The following SETX variants were observed in gnomAD, a reference collection of about 807,000 sequenced individuals.
SETX encodes senataxin.
SETX carries 90 observed loss-of-function variants against 227.2 expected under a neutral mutation model. The ratio of observed to expected loss-of-function variants is 0.40; its 90% CI spans 0.33 to 0.47. SETX has a LOEUF of 0.47. Among genes scored for constraint, SETX ranks in the 20% least tolerant of loss-of-function variants. The pLI is 0.91. For missense variants in SETX, 3,052 were observed against 3,181.5 expected (o/e 0.96, Z 0.98); for synonymous variants, 1,210 against 1,113.2 (o/e 1.09, Z -1.73).
At chr9:132,321,228 G>C (rs964465733) in intron 10 of SETX, among the ~76,000 whole-genome samples, 1 of 152,046 alleles carries the variant, frequency 6.6e-6, no homozygotes, top group African/African-American at 2.4e-5. Context: ...AAAGACTAAA[G>C]ACATTGGGAG....
chr9:132,284,673 G>T (rs1385052509), intron 18 of SETX, among the ~76,000 whole-genome samples: 1 of 152,102 alleles, frequency 6.6e-6, no homozygotes, highest in East Asian at 1.9e-4. Flanking sequence ...ACAAGTACAG[G>T]GAGTTTATGC....
intron 23 of SETX, 69 bp from the exon 24 acceptor site, chr9:132,271,877 C>T: frequency 7.1e-7 from 1 of 1,410,424 alleles, no homozygotes; most frequent in East Asian, 2.3e-5. Context: ...TATTTATAAA[C>T]TAGTTTTTTG....
chr9:132,272,685 C>T (rs942192017), intron 23 of SETX, among the ~76,000 whole-genome samples: 3 of 152,186 alleles, frequency 2.0e-5, no homozygotes, highest in African/African-American at 4.8e-5. Context: ...ACCACTAATA[C>T]ACTTCCTGTC....
At chr9:132,332,170 C>T (rs74408802) in intron 7 of SETX, among the ~76,000 whole-genome samples, 5,881 of 152,242 alleles carry the variant, frequency 0.039, 392 homozygotes, top group African/African-American at 0.14. Flanking sequence ...CAGTCAAGAA[C>T]TTAAAAGATA....
At position 132,263,476 on chromosome 9, in the gene SETX, C is replaced by T. The variant is rs1842485589; in HGVS notation, c.*763G>A. 6.6e-6 allele frequency: 1 copy of T among 152,206 alleles called. No homozygotes were observed. The highest frequency in any genetic ancestry group is 2.4e-5 in the African/African-American group (1 of 41,446). 9.4% of individuals were successfully genotyped at this position (152,206 alleles called of 1,614,324 possible). On this transcript the variant is annotated 3_prime_UTR_variant, in exon 26 of 26. Transcript: ENST00000224140. ...TAGCTCAAGAATTATTCTTTCACTC[C>T]ATATTCTTCTCTCTCAAGAAGATTA...
chr9:132,282,364 C>T (rs1260466512), intron 19 of SETX, among the ~76,000 whole-genome samples: 5 of 149,874 alleles, frequency 3.3e-5, no homozygotes, highest in Non-Finnish European at 4.4e-5. Context: ...ATGACATGAT[C>T]GTTGTTCACC....
Position 132,329,067 on chromosome 9 carries a change from T to C in SETX, c.2531A>G (p.Asp844Gly). 1.2e-6 allele frequency: 2 copies of C among 1,609,888 alleles called. No homozygotes were observed. Among genetic ancestry groups the C allele is most frequent in the Non-Finnish European group, 1.7e-6 (2 of 1,179,138 alleles). ...GDGFIHNLSLDPSGVLDDKNG... is the reference protein window; with the variant it reads ...GDGFIHNLSLGPSGVLDDKNG... Reference sequence around the variant, plus strand: ...CTTATCATCCAGAACACCACTAGGGTCTAAAGAAAGATTGTGTATGAAACC... The same window carrying C: ...CTTATCATCCAGAACACCACTAGGGCCTAAAGAAAGATTGTGTATGAAACC... The change falls in exon 10 of 26, where the codon GAC becomes GGC. Residue 844 changes from aspartate to glycine, a missense_variant. Physicochemically the swap from Asp to Gly is moderately conservative, Grantham distance 94. Around this residue, in one of 10 missense-constraint regions of SETX, gnomAD observed 1,483 missense variants for 1,312.0 expected, o/e 1.13. Coordinates refer to ENST00000224140, the MANE Select transcript of SETX (RefSeq NM_015046.7).
In SETX at chr9:132,336,339, G is replaced by C. The variant is rs1486436857; in HGVS notation, c.675C>G (p.Pro225=). 1.2e-6 allele frequency: 2 copies of C among 1,613,828 alleles called. No homozygotes were observed. The highest frequency in any genetic ancestry group is 1.7e-6 in the Non-Finnish European group (2 of 1,179,870). The part of the protein sequence containing the change: ...VLEKGKLILL[P]SHMYDTTNYK... ...AGTTGGTAGTATCATACATGTGTGA[G>C]GGCAGAAGAATCAGTTTACCCTTCT... is the stretch of plus-strand genomic sequence containing the variant. Residue 225 remains proline, a synonymous_variant, in exon 6 of 26, where the codon CCC becomes CCG. Transcript: ENST00000224140.
chr9:132,284,652 T>A (rs1253747657), intron 18 of SETX, among the ~76,000 whole-genome samples: 2 of 152,212 alleles, frequency 1.3e-5, no homozygotes, highest in South Asian at 2.1e-4. Context: ...ACAGGAGTCT[T>A]ATGATCCAAC....
chr9:132,325,692 C>T (rs1846697838), intron 10 of SETX, among the ~76,000 whole-genome samples: 1 of 152,006 alleles, frequency 6.6e-6, no homozygotes, highest in Non-Finnish European at 1.5e-5. Flanking sequence ...TTTGGGAGGC[C>T]GAGGCTGGTG....
At chr9:132,313,807 T>C in intron 10 of SETX, among the ~76,000 whole-genome samples, 1 of 151,488 alleles carries the variant, frequency 6.6e-6, no homozygotes, top group Non-Finnish European at 1.5e-5. Context: ...CATACTCCTT[T>C]CAAAAGGTGT....
intron 11 of SETX, among the ~76,000 whole-genome samples, chr9:132,302,004 G>A (rs1182109887): frequency 1.3e-5 from 2 of 152,164 alleles, no homozygotes; most frequent in African/African-American, 2.4e-5. Flanking sequence ...ACTTAATATT[G>A]TTAAAATGTC....
intron 9 of SETX, 116 bp downstream of exon 9, chr9:132,330,933 TAGC>T: frequency 1.3e-6 from 1 of 797,044 alleles, no homozygotes; most frequent in Non-Finnish European, 2.2e-6. Flanking sequence ...GGCTTTTACA[TAGC>T]AGTAGATTGA....
At chr9:132,287,881 C>T (rs79328801) in intron 17 of SETX, among the ~76,000 whole-genome samples, 2,641 of 151,972 alleles carry the variant, frequency 0.017, 54 homozygotes, top group Non-Finnish European at 0.023. Context: ...GCATTAAATA[C>T]TCATTAATTA....
intron 5 of SETX, among the ~76,000 whole-genome samples, chr9:132,337,600 G>C (rs1847707597): frequency 6.6e-6 from 1 of 152,162 alleles, no homozygotes; most frequent in Admixed American, 6.6e-5. Context: ...ACAGGTAAAA[G>C]CATGAGCTCT....
intron 23 of SETX, among the ~76,000 whole-genome samples, chr9:132,273,871 G>C (rs118104873): frequency 0.01 from 1,523 of 152,006 alleles, 12 homozygotes; most frequent in South Asian, 0.033. Context: ...CATCTCTCCT[G>C]ATCTTAGAGG....
chr9:132,330,492 C>T lies in SETX; in HGVS notation c.1106G>A (p.Gly369Glu). 1.2e-5 allele frequency: 19 copies of T among 1,612,250 alleles called. No individual in the cohort carries two copies. The highest frequency in any genetic ancestry group is 1.6e-5 in the Non-Finnish European group (19 of 1,179,820). Residue 369 changes from glycine to glutamate, a missense_variant, in exon 10 of 26, where the codon GGA (glycine) becomes GAA (glutamate). By Grantham distance (98) the Gly-to-Glu change is moderately conservative. Around this residue, in one of 10 missense-constraint regions of SETX, gnomAD observed 39 missense variants for 84.8 expected, o/e 0.46. Transcript: ENST00000224140. ...YNPEKTKKDSGWRTAICPDYC... is the reference protein window; with the variant it reads ...YNPEKTKKDSEWRTAICPDYC... ...ATCTGGGCAAATGGCTGTTCTCCAT[C>T]CAGAATCCTAAAATGAAAGAAATGC...
chr9:132,278,437 C>CTTTTTTTTTTTTT lies in SETX; in HGVS notation c.6655-193_6655-181dup, dbSNP rs67558000. On this transcript the variant is annotated intron_variant, in intron 20 of 25. Coordinates refer to ENST00000224140, the MANE Select transcript of SETX (RefSeq NM_015046.7). ...CTCTGAGCCTCAAAATGCCATGAATCTTTTTTTTTTTTTTTTTTTTTTTTT... is the reference window on the plus strand; with the variant it reads ...CTCTGAGCCTCAAAATGCCATGAATCTTTTTTTTTTTTTTTTTTTTTTTTTTTTTTTTTTTTTT... Among the ~76,000 whole-genome samples, 3 of 84,830 alleles carry CTTTTTTTTTTTTT rather than the reference C, an allele frequency of 3.5e-5. 1 individual carries two copies. The highest frequency in any genetic ancestry group is 2.7e-4 in the East Asian group (1 of 3,678). 55.7% of individuals were successfully genotyped at this position (84,830 alleles called of 152,430 possible).
intron 6 of SETX, 122 bp from the exon 7 acceptor site, chr9:132,334,849 A>C: frequency 9.4e-7 from 1 of 1,060,200 alleles, no homozygotes; most frequent in Non-Finnish European, 1.4e-6. Flanking sequence ...TTTCTCAAAC[A>C]TTTAAGTCTC....
Sources: gnomAD v4.1 joint callset for allele counts (sites outside exome capture counted in the v4.1 genomes callset) on GRCh38, gnomAD v4.1.1 for gene constraint, gnomAD v4.1.1 regional missense constraint, MANE v1.5 for transcripts, NCBI Gene and HGNC (gene_info 2026-07-23, HGNC 2026-07-21) for gene names.